ZNF318: variants seen among roughly 807,000 people sequenced by gnomAD.
ZNF318 encodes the protein zinc finger protein 318, also known as endocrine regulator.
A neutral mutation model predicts 124.2 loss-of-function variants in ZNF318; 51 were observed. That is an observed-to-expected ratio of 0.41 (90% CI 0.33 to 0.52). ZNF318 has a LOEUF of 0.52. ZNF318 is among the 20% of genes least tolerant of loss of function. The probability of loss-of-function intolerance (pLI) is 0.23; values close to 1 mark genes in which losing one functional copy is unlikely to be tolerated. For synonymous variants in ZNF318, 1,090 were observed against 1,040.7 expected (o/e 1.05, Z -0.91); for missense variants, 2,815 against 2,811.2 (o/e 1.00, Z -0.03).
chr6:43,358,150 C>A (rs955452328), intron 2 of ZNF318, among the ~76,000 whole-genome samples: 3 of 152,182 alleles, frequency 2.0e-5, no homozygotes, highest in Non-Finnish European at 4.4e-5. Flanking sequence ...CAAAGCTCCA[C>A]CCCAAGCAGA....
chr6:43,365,589 G>C, intron 1 of ZNF318, 149 bp from the exon 2 acceptor site: 1 of 694,166 alleles, frequency 1.4e-6, no homozygotes, highest in Non-Finnish European at 2.3e-6. Flanking sequence ...TATAGGCCCA[G>C]GCAAGAATGT....
rs1445988904 is a variant in ZNF318 at position 43,337,906 on chromosome 6, G to A, written c.6092C>T (p.Pro2031Leu). Residue 2031 changes from proline (P) to leucine (L), a missense_variant, in exon 10 of 10, where the codon CCA becomes CTA. Physicochemically the swap from Pro to Leu is moderately conservative, Grantham distance 98. Around this residue, in one of 4 missense-constraint regions of ZNF318, gnomAD observed 927 missense variants for 820.6 expected, o/e 1.13. Coordinates refer to ENST00000361428, the MANE Select transcript of ZNF318 (RefSeq NM_014345.3). Reference sequence around the variant, plus strand: ...CAAGACAGTTGGGGATCTATGTGCTGGGCTTACCCGAGTAGTGCAGAAATC... The same window carrying A: ...CAAGACAGTTGGGGATCTATGTGCTAGGCTTACCCGAGTAGTGCAGAAATC... ...PVDFCTTRVS[P>L]AHRSPTVLCQ... 6.2e-7 allele frequency: 1 copy of A among 1,614,042 alleles called. No individual in the cohort carries two copies. Among genetic ancestry groups the A allele is most frequent in the Non-Finnish European group, 8.5e-7 (1 of 1,180,030 alleles).
rs778673778 is a variant in ZNF318 at position 43,338,416 on chromosome 6, G to C, written c.5582C>G (p.Ser1861Cys). The C allele has an allele frequency of 1.2e-6, 2 of 1,614,220 alleles. No homozygotes were observed. Among genetic ancestry groups the C allele is most frequent in the South Asian group, 1.1e-5 (1 of 91,086 alleles). Residue 1861 changes from serine (S) to cysteine (C), a missense_variant, in exon 10 of 10, where the codon TCT (serine) becomes TGT (cysteine). Coordinates refer to ENST00000361428, the MANE Select transcript of ZNF318 (RefSeq NM_014345.3). ...TGAGTCTAATTTTGCCTTTGTGAAA[G>C]AGCAAGCCTGTGGACTCAATTTGAT... ...VVIKLSPQAC[S>C]FTKAKLDSFL...
rs1203136535 is a variant in ZNF318 at position 43,339,648 on chromosome 6, T to G, written c.4350A>C (p.Pro1450=). Residue 1450 remains proline, a synonymous_variant, in exon 10 of 10, where the codon CCA becomes CCC. Transcript: ENST00000361428. This position sits in a 1 kb window ranked among gnomAD's most constrained non-coding sequence, Gnocchi z 4.2. ...GTATAACGGGGGGTGGTGGAGGTGG[T>G]GGAGGTGGGGGTGGTGGAGGAGGTG... ...ILPPPPPPPP[P]PPPPPPVIPH... 4.4e-4 allele frequency: 349 copies of G among 785,812 alleles called. 1 individual carries two copies. The highest frequency in any genetic ancestry group is 6.2e-4 in the Non-Finnish European group (335 of 540,624). The allele number at this position is 785,812 out of a possible 1,614,324, so 48.7% of individuals were successfully genotyped here. A position where few individuals can be genotyped will look rare whatever the true frequency, so the allele number is the denominator to read the frequency against.
Position 43,356,154 on chromosome 6 carries a change from A to G in ZNF318, c.1189-9T>C. ...CTGGAAAAACTCTCAAGCTGCAAAGACAAACACAACTGATTTAGTCTTATG... is the reference window on the plus strand; with the variant it reads ...CTGGAAAAACTCTCAAGCTGCAAAGGCAAACACAACTGATTTAGTCTTATG... On this transcript the variant is annotated splice_polypyrimidine_tract_variant and intron_variant, in intron 3 of 9. Coordinates refer to ENST00000361428, the MANE Select transcript of ZNF318 (RefSeq NM_014345.3). 2 of 1,606,044 alleles carry G rather than the reference A, an allele frequency of 1.2e-6. No individual in the cohort carries two copies. The highest frequency in any genetic ancestry group is 1.7e-6 in the Non-Finnish European group (2 of 1,177,232).
rs753177211 is a variant in ZNF318, at chr6:43,338,289, A to G, written c.5709T>C (p.Cys1903=). The G allele has an allele frequency of 6.2e-7, 1 of 1,614,176 alleles. No individual in the cohort carries two copies. Among genetic ancestry groups the G allele is most frequent in the South Asian group, 1.1e-5 (1 of 91,076 alleles). ...LLHSPARSAM[C]LTGSPQEQGV... is the part of the protein sequence containing the mutation. Reference sequence around the variant, plus strand: ...CTTGCTCTTGTGGACTACCTGTTAAACACATAGCTGATCTGGCTGGGGAAT... The same window carrying G: ...CTTGCTCTTGTGGACTACCTGTTAAGCACATAGCTGATCTGGCTGGGGAAT... The change falls in exon 10 of 10, where the codon TGT becomes TGC. Residue 1903 remains cysteine (C), a synonymous_variant. Transcript: ENST00000361428.
chr6:43,351,947 A>C (rs6928502), intron 5 of ZNF318, among the ~76,000 whole-genome samples: 149,503 of 152,188 alleles, frequency 0.98, 73,474 homozygotes, highest in East Asian at 1. Flanking sequence ...TCGAGACCAA[A>C]CTGGTCAACA....
At chr6:43,346,483 A>G (rs972451876) in intron 6 of ZNF318, among the ~76,000 whole-genome samples, 1 of 150,528 alleles carries the variant, frequency 6.6e-6, no homozygotes, top group African/African-American at 2.5e-5. Flanking sequence ...CTCTGTCTCA[A>G]AAGACCAGCC....
chr6:43,362,492 T>A (rs9472038), intron 2 of ZNF318, among the ~76,000 whole-genome samples: 3 of 143,984 alleles, frequency 2.1e-5, no homozygotes, highest in South Asian at 4.4e-4. Context: ...AATGAATTTT[T>A]AAAAAATAAA....
Position 43,339,402 on chromosome 6 carries a change from G to A in ZNF318, c.4596C>T (p.Phe1532=). 2 of 1,613,452 alleles carry A rather than the reference G, an allele frequency of 1.2e-6. No individual in the cohort carries two copies. Among genetic ancestry groups the A allele is most frequent in the Non-Finnish European group, 1.7e-6 (2 of 1,179,834 alleles). ...GTGGTGGAGGACGTACTAACACAGA[G>A]AACAGGGTCTGGTCTCGGTCACTCT... ...VSESDRDQTL[F]SVLVRPPPPL... The change falls in exon 10 of 10, where the codon TTC becomes TTT. Residue 1532 remains phenylalanine, a synonymous_variant. Coordinates refer to ENST00000361428, the MANE Select transcript of ZNF318 (RefSeq NM_014345.3). The surrounding 1 kb of genome is among the most constrained non-coding windows in gnomAD (Gnocchi z 4.2).
Position 43,337,192 on chromosome 6 carries a change from A to G in ZNF318, c.6806T>C (p.Ile2269Thr), listed in dbSNP as rs755774279. ...AACACTGGATTCTGTGTGGTCCTGG[A>G]TGGCACCAACTGTAGTTTCCTGTTC... is the stretch of plus-strand genomic sequence containing the variant. ...MPEQETTVGA[I>T]QDHTESSVHN Residue 2269 changes from isoleucine to threonine, a missense_variant, in exon 10 of 10, where the codon ATC (isoleucine) becomes ACC (threonine). Transcript: ENST00000361428. 8 of 1,611,830 alleles carry G rather than the reference A, an allele frequency of 5.0e-6. No homozygotes were observed. Among genetic ancestry groups the G allele is most frequent in the Non-Finnish European group, 6.8e-6 (8 of 1,178,728 alleles).
intron 7 of ZNF318, 46 bp from the exon 8 acceptor site, chr6:43,342,257 C>CAAT (rs770683408): frequency 1.3e-5 from 19 of 1,452,674 alleles, no homozygotes; most frequent in Non-Finnish European, 1.8e-5. Flanking sequence ...ACTAAAAGCT[C>CAAT]AATGACCCAC....
intron 6 of ZNF318, among the ~76,000 whole-genome samples, chr6:43,347,369 C>G (rs913624213): frequency 6.6e-6 from 1 of 152,152 alleles, no homozygotes; most frequent in Admixed American, 6.5e-5. Context: ...ACTGATGTGG[C>G]TTGGACTTGA....
Position 43,355,947 on chromosome 6 carries a change from T to C in ZNF318, c.1387A>G (p.Asn463Asp), listed in dbSNP as rs1421125365. ...CCAAATTTTTCTCTGAGAGGACTGT[T>C]GTCTTTGGGAATCCCAGGAAGGGGA... ...WGPLPGIPKD[N>D]SPLREKFGSF... Residue 463 changes from asparagine (N) to aspartate (D), a missense_variant, in exon 4 of 10, where the codon AAC becomes GAC. Transcript: ENST00000361428. 1.2e-6 allele frequency: 2 copies of C among 1,614,244 alleles called. No individual in the cohort carries two copies. Among genetic ancestry groups the C allele is most frequent in the Non-Finnish European group, 1.7e-6 (2 of 1,180,034 alleles).
chr6:43,364,267 G>A lies in ZNF318; in HGVS notation c.548+1025C>T, dbSNP rs573886504. 44 of 505,366 alleles carry A rather than the reference G, an allele frequency of 8.7e-5. No homozygotes were observed. The Admixed American group carries it at 1.1e-3, about 13-fold the overall frequency. 31.3% of individuals were successfully genotyped at this position (505,366 alleles called of 1,614,324 possible). A position where few individuals can be genotyped will look rare whatever the true frequency, so the allele number is the denominator to read the frequency against. Reference sequence around the variant, plus strand: ...ACACCAGAGTCTCTGTGCAGAGGACGTAGGCTCCAGCTGTGGCTACAACAT... The same window carrying A: ...ACACCAGAGTCTCTGTGCAGAGGACATAGGCTCCAGCTGTGGCTACAACAT... On this transcript the variant is annotated intron_variant, in intron 2 of 9. Transcript: ENST00000361428.
chr6:43,342,606 G>A (rs1055841521), intron 7 of ZNF318, 70 bp downstream of exon 7: 26 of 1,499,370 alleles, frequency 1.7e-5, no homozygotes, highest in Middle Eastern at 4.0e-4. Flanking sequence ...GCTTTGCAAT[G>A]CAGATAGGGG....
At chr6:43,344,419 C>A (rs189752064) in intron 6 of ZNF318, among the ~76,000 whole-genome samples, 1 of 152,180 alleles carries the variant, frequency 6.6e-6, no homozygotes, top group Non-Finnish European at 1.5e-5. Flanking sequence ...CTTAACCATG[C>A]AACCAAAACA....
At position 43,355,071 on chromosome 6, in the gene ZNF318, T is replaced by C; in HGVS notation, c.2263A>G (p.Thr755Ala). ...APSAPIRLPH[T>A]AALSQFHMPR... ...ATGTGAAACTGAGATAAAGCAGCAG[T>C]GTGTGGAAGTCTAATTGGGGCAGAT... The change falls in exon 4 of 10, where the codon ACT (threonine) becomes GCT (alanine). Residue 755 changes from threonine (T) to alanine (A), a missense_variant. By Grantham distance (58) the Thr-to-Ala change is moderately conservative. Transcript: ENST00000361428. The C allele has an allele frequency of 1.2e-6, 2 of 1,614,046 alleles. No individual in the cohort carries two copies. The highest frequency in any genetic ancestry group is 1.7e-6 in the Non-Finnish European group (2 of 1,180,002).
At chr6:43,358,433 T>TTTTC (rs61609683) in intron 2 of ZNF318, among the ~76,000 whole-genome samples, 1 of 150,452 alleles carries the variant, frequency 6.6e-6, no homozygotes, top group Non-Finnish European at 1.5e-5. Context: ...TTTTTTTTTT[T>TTTTC]CTGATTTTTT....
Sources: allele counts gnomAD v4.1 joint callset (sites outside exome capture counted in the v4.1 genomes callset), GRCh38; gene constraint gnomAD v4.1.1; regional missense constraint gnomAD v4.1.1; non-coding constraint Gnocchi (gnomAD v3.1); transcripts MANE v1.5; gene names NCBI Gene and HGNC (gene_info 2026-07-23, HGNC 2026-07-21).